GMPS: variants seen among roughly 807,000 people sequenced by gnomAD.
GMPS encodes the protein guanosine monophosphate synthase.
Under a neutral mutation model 77.9 loss-of-function variants are expected in GMPS, and 15 were observed. The ratio of observed to expected loss-of-function variants is 0.19; its 90% confidence interval spans 0.13 to 0.30. The LOEUF is 0.30. Ranked by LOEUF, GMPS falls within the 10% of genes least tolerant of loss-of-function variation. The pLI is 1.00. For synonymous variants in GMPS, 224 were observed against 275.9 expected, an observed-to-expected ratio of 0.81 and a Z score of 1.86; for missense variants, 590 against 838.8, an observed-to-expected ratio of 0.70 and a Z score of 3.66.
intron 1 of GMPS, among the ~76,000 whole-genome samples, chr3:155,877,327 G>A (rs913848005): frequency 6.6e-6 from 1 of 152,006 alleles, no homozygotes; most frequent in Non-Finnish European, 1.5e-5. Flanking sequence ...CCTCAATCTG[G>A]ATTCTACCAT....
intron 1 of GMPS, among the ~76,000 whole-genome samples, chr3:155,883,112 C>T (rs1055542998): frequency 6.6e-6 from 1 of 152,102 alleles, no homozygotes; most frequent in Admixed American, 6.6e-5. Flanking sequence ...CACTCTGTCG[C>T]CCAGGCTGGA....
intron 2 of GMPS, among the ~76,000 whole-genome samples, chr3:155,897,652 A>G (rs965419655): frequency 2.0e-5 from 3 of 152,252 alleles, no homozygotes; most frequent in Non-Finnish European, 4.4e-5. Flanking sequence ...TATCACAGAT[A>G]GAAACATTGG....
At chr3:155,914,039 C>T (rs1313903083) in intron 7 of GMPS, among the ~76,000 whole-genome samples, 2 of 152,122 alleles carry the variant, frequency 1.3e-5, no homozygotes, top group African/African-American at 2.4e-5. Context: ...CTCCGCCTCC[C>T]GGGTTCACAC....
Position 155,870,771 on chromosome 3 carries a change from C to A in GMPS, c.-100C>A. The A allele has an allele frequency of 1.3e-6, 1 of 765,160 alleles. No homozygotes were observed. 47.4% of individuals were successfully genotyped at this position (765,160 alleles called of 1,614,324 possible). On this transcript the variant is annotated 5_prime_UTR_variant, in exon 1 of 16. Transcript: ENST00000496455. ...CGCTGCCGGCTGCTCCTCGACCAGGCCTCCTTCTCAACCTCAGCCCGCGGC... is the reference window on the plus strand; with the variant it reads ...CGCTGCCGGCTGCTCCTCGACCAGGACTCCTTCTCAACCTCAGCCCGCGGC...
At position 155,939,702 on chromosome 3, in the gene GMPS, T is replaced by A; in HGVS notation, c.*2010T>A. ...ATACTTAATATAATATTGGGAAAAT[T>A]GTTACTCCAAAGCACATCTTGACAT... On this transcript the variant is annotated 3_prime_UTR_variant, in exon 16 of 16. Coordinates refer to ENST00000496455, the MANE Select transcript of GMPS (RefSeq NM_003875.3). The A allele has an allele frequency of 5.2e-6, 1 of 193,182 alleles. No individual in the cohort carries two copies. The highest frequency in any genetic ancestry group is 8.2e-5 in the East Asian group (1 of 12,224). The allele number at this position is 193,182 out of a possible 1,614,324, so 12.0% of individuals were successfully genotyped here. A position where few individuals can be genotyped will look rare whatever the true frequency, so the allele number is the denominator to read the frequency against.
intron 1 of GMPS, among the ~76,000 whole-genome samples, chr3:155,881,871 C>T (rs1754214453): frequency 6.6e-6 from 1 of 152,062 alleles, no homozygotes; most frequent in Non-Finnish European, 1.5e-5. Context: ...TTTAGAACAG[C>T]CTGGGCAACA....
rs756460649 is a variant in GMPS at position 155,919,308 on chromosome 3, G to C, written c.1288G>C (p.Glu430Gln). ...RILGRELGLP[E>Q]ELVSRHPFPG... ...TTTGGGCAGAGAACTTGGACTTCCA[G>C]AAGAGTTAGTTTCCAGGCATCCATT... Residue 430 changes from glutamate (E) to glutamine (Q), a missense_variant, in exon 10 of 16, where the codon GAA (glutamate) becomes CAA (glutamine). Coordinates refer to ENST00000496455, the MANE Select transcript of GMPS (RefSeq NM_003875.3). The C allele has an allele frequency of 6.3e-7, 1 of 1,590,288 alleles. No homozygotes were observed. Among genetic ancestry groups the C allele is most frequent in the Admixed American group, 1.7e-5 (1 of 58,328 alleles).
At chr3:155,876,158 C>A (rs1754045115) in intron 1 of GMPS, among the ~76,000 whole-genome samples, 1 of 152,142 alleles carries the variant, frequency 6.6e-6, no homozygotes, top group Non-Finnish European at 1.5e-5. Flanking sequence ...ATGTGTTACA[C>A]AAATACCCCA....
chr3:155,936,575 T>C (rs912368674), intron 15 of GMPS, 65 bp downstream of exon 15: 1 of 913,158 alleles, frequency 1.1e-6, no homozygotes, highest in African/African-American at 1.6e-5. Context: ...ATATGGTGAA[T>C]GGAATAGGCT....
At position 155,873,638 on chromosome 3, in the gene GMPS, C is replaced by CTTTTTTTTTTTTTTTTTT. The variant is rs58365650; in HGVS notation, c.27+2755_27+2756insTTTTTTTTTTTTTTTTTT. The stretch of plus-strand genomic sequence containing the variant: ...TGTCGTTAGGTTACATGAGTAAGTT[C>CTTTTTTTTTTTTTTTTTT]TTTTTTTTTTTTTTGAGATGGAGTC... On this transcript the variant is annotated intron_variant, in intron 1 of 15. Coordinates refer to ENST00000496455, the MANE Select transcript of GMPS (RefSeq NM_003875.3). Among the ~76,000 whole-genome samples, 40 of 82,544 alleles carry CTTTTTTTTTTTTTTTTTT rather than the reference C, an allele frequency of 4.8e-4. 10 individuals carry two copies. Among genetic ancestry groups the CTTTTTTTTTTTTTTTTTT allele is most frequent in the Non-Finnish European group, 5.3e-4 (24 of 44,934 alleles). 54.2% of individuals were successfully genotyped at this position (82,544 alleles called of 152,430 possible).
chr3:155,903,828 G>T, intron 3 of GMPS, 35 bp from the exon 4 acceptor site: 2 of 869,418 alleles, frequency 2.3e-6, no homozygotes, highest in Non-Finnish European at 3.5e-6. Context: ...TTTTTCTTTT[G>T]ATTTCTATTA....
At chr3:155,875,693 A>G (rs537452982) in intron 1 of GMPS, among the ~76,000 whole-genome samples, 1 of 152,366 alleles carries the variant, frequency 6.6e-6, no homozygotes, top group African/African-American at 2.4e-5. Context: ...GGCATATACA[A>G]TTCTGGGTTG....
chr3:155,878,204 G>A (rs1238614724), intron 1 of GMPS, among the ~76,000 whole-genome samples: 2 of 152,150 alleles, frequency 1.3e-5, no homozygotes, highest in Admixed American at 1.3e-4. Flanking sequence ...ATGAATTTTA[G>A]GGGGACACAA....
At chr3:155,914,993 C>T (rs1208468795) in intron 8 of GMPS, among the ~76,000 whole-genome samples, 2 of 151,810 alleles carry the variant, frequency 1.3e-5, no homozygotes, top group East Asian at 3.9e-4. Flanking sequence ...TGGTCCGGAT[C>T]TCCTGACCTC....
At chr3:155,933,410 T>C (rs1243604066) in intron 13 of GMPS, among the ~76,000 whole-genome samples, 2 of 152,218 alleles carry the variant, frequency 1.3e-5, no homozygotes, top group Non-Finnish European at 2.9e-5. Context: ...GTGATTACTT[T>C]TGTTTGTAAG....
rs1325752573 is a variant in GMPS, at chr3:155,915,412, C to CT, written c.1039-600dup. Among the ~76,000 whole-genome samples, 5 of 150,598 alleles carry CT rather than the reference C, an allele frequency of 3.3e-5. No homozygotes were observed. In the East Asian group the frequency reaches 9.9e-4, roughly 30 times the overall value. On this transcript the variant is annotated intron_variant, in intron 8 of 15. Transcript: ENST00000496455. ...ACCACCATGCCCAGCTAATTTTTTT[C>CT]TTTTTTTGAGATGGAGTCTCACTCT...
intron 4 of GMPS, among the ~76,000 whole-genome samples, chr3:155,904,552 G>A (rs1206237213): frequency 1.3e-5 from 2 of 152,260 alleles, no homozygotes; most frequent in African/African-American, 4.8e-5. Flanking sequence ...GCCTCCCAAA[G>A]TGCTGGGATT....
Position 155,919,299 on chromosome 3 carries a change from G to C in GMPS, c.1279G>C (p.Gly427Arg). Residue 427 changes from glycine (G) to arginine (R), a missense_variant, in exon 10 of 16, where the codon GGA (glycine) becomes CGA (arginine). Around this residue, in one of 6 missense-constraint regions of GMPS, gnomAD observed 64 missense variants for 114.5 expected, o/e 0.56. Transcript: ENST00000496455. ...DEVRILGREL[G>R]LPEELVSRHP... ...AGTGAGAATTTTGGGCAGAGAACTT[G>C]GACTTCCAGAAGAGTTAGTTTCCAG... The C allele has an allele frequency of 6.3e-7, 1 of 1,595,256 alleles. No individual in the cohort carries two copies.
At chr3:155,925,461 G>C in intron 12 of GMPS, 95 bp downstream of exon 12, 1 of 971,126 alleles carries the variant, frequency 1.0e-6, no homozygotes, top group Non-Finnish European at 1.5e-6. Flanking sequence ...CTGGAGCGCA[G>C]TGGCGTGATC....
Sources: allele counts gnomAD v4.1 joint callset (sites outside exome capture counted in the v4.1 genomes callset), GRCh38; gene constraint gnomAD v4.1.1; regional missense constraint gnomAD v4.1.1; transcripts MANE v1.5; gene names NCBI Gene and HGNC (gene_info 2026-07-23, HGNC 2026-07-21).